SRRM4: variants seen among roughly 807,000 people sequenced by gnomAD.
SRRM4 encodes serine/arginine repetitive matrix 4, also known as serine/arginine repetitive matrix protein 4.
In SRRM4, 33 loss-of-function variants were observed where a neutral mutation model predicts 68.9. The observed-to-expected ratio is 0.48, with a 90% CI of 0.36 to 0.64. The LOEUF (loss-of-function observed/expected upper bound fraction) is 0.64, where lower values mean the gene tolerates loss of function less well. Among genes scored for constraint, SRRM4 ranks in the 30% least tolerant of loss-of-function variants. The probability of loss-of-function intolerance (pLI) is 0.00; values close to 1 mark genes in which losing one functional copy is unlikely to be tolerated. For missense variants in SRRM4, 817 were observed against 827.1 expected, an observed-to-expected ratio of 0.99 and a Z score of 0.15; for synonymous variants, 318 against 318.8, an observed-to-expected ratio of 1.00 and a Z score of 0.03.
chr12:119,160,033 C>G lies in SRRM4; in HGVS notation c.*3235C>G, dbSNP rs1052293874. ...CTGGCAGTGTCTTCTGGCTGCTGGC[C>G]GGAGACAGCTCTTGCCCTTTCCAAA... On this transcript the variant is annotated 3_prime_UTR_variant, in exon 13 of 13. Coordinates refer to ENST00000267260, the MANE Select transcript of SRRM4 (RefSeq NM_194286.4). The G allele has an allele frequency of 6.6e-6, 1 of 152,180 alleles. No homozygotes were observed. 9.4% of individuals were successfully genotyped at this position (152,180 alleles called of 1,614,324 possible).
chr12:119,032,271 G>A (rs1214822375), intron 1 of SRRM4, among the ~76,000 whole-genome samples: 1 of 152,148 alleles, frequency 6.6e-6, no homozygotes, highest in African/African-American at 2.4e-5. Flanking sequence ...TGTTATTTCA[G>A]TTTTCTGCAT....
At chr12:119,111,474 C>T (rs1954143110) in intron 2 of SRRM4, among the ~76,000 whole-genome samples, 1 of 152,188 alleles carries the variant, frequency 6.6e-6, no homozygotes, top group Non-Finnish European at 1.5e-5. Flanking sequence ...ATCATGCTCT[C>T]CTGGGACCCT....
At chr12:118,984,098 C>G (rs2045662266) in intron 1 of SRRM4, among the ~76,000 whole-genome samples, 1 of 152,136 alleles carries the variant, frequency 6.6e-6, no homozygotes, top group African/African-American at 2.4e-5. Context: ...AACTGTTACT[C>G]CTGGTTTGGG....
Position 119,154,238 on chromosome 12 carries a change from T to C in SRRM4, c.1392-5T>C. On this transcript the variant is annotated splice_region_variant and splice_polypyrimidine_tract_variant and intron_variant, in intron 11 of 12. Coordinates refer to ENST00000267260, the MANE Select transcript of SRRM4 (RefSeq NM_194286.4). The surrounding 1 kb of genome is among the most constrained non-coding windows in gnomAD (Gnocchi z 4.7). ...GCTCCCCAGTAACCCCCCGCGCCCC[T>C]TCAGGGAGCGGGATCCCAAATACAG... is the stretch of plus-strand genomic sequence containing the variant. The C allele has an allele frequency of 6.3e-7, 1 of 1,598,604 alleles. No homozygotes were observed. The highest frequency in any genetic ancestry group is 1.3e-5 in the African/African-American group (1 of 74,734).
intron 4 of SRRM4, among the ~76,000 whole-genome samples, chr12:119,119,697 G>GCA (rs1276747579): frequency 1.7e-4 from 26 of 152,214 alleles, no homozygotes; most frequent in African/African-American, 6.3e-4. Flanking sequence ...ACAGAACCTG[G>GCA]CACACAGTAA....
chr12:119,122,175 G>A, intron 6 of SRRM4, 55 bp downstream of exon 6: 1 of 1,283,852 alleles, frequency 7.8e-7, no homozygotes, highest in Non-Finnish European at 1.1e-6. Flanking sequence ...GGGGCATCTG[G>A]CTTCTTAAAA....
intron 1 of SRRM4, among the ~76,000 whole-genome samples, chr12:118,995,421 G>A (rs1258129977): frequency 6.6e-6 from 1 of 152,182 alleles, no homozygotes; most frequent in Non-Finnish European, 1.5e-5. Context: ...TGGAAACTAG[G>A]AAGTTCTTGA....
intron 8 of SRRM4, among the ~76,000 whole-genome samples, chr12:119,144,086 C>CT (rs937637947): frequency 6.6e-6 from 1 of 152,116 alleles, no homozygotes; most frequent in African/African-American, 2.4e-5. Context: ...CCATCGCCTC[C>CT]TTTACTCCTT....
intron 1 of SRRM4, among the ~76,000 whole-genome samples, chr12:119,033,533 A>G (rs1030866151): frequency 1.3e-4 from 20 of 152,196 alleles, no homozygotes; most frequent in African/African-American, 4.3e-4. Flanking sequence ...GCGTGGTGGC[A>G]CGCGCCTATG....
At chr12:119,083,662 A>G (rs962748037) in intron 1 of SRRM4, among the ~76,000 whole-genome samples, 64 of 152,182 alleles carry the variant, frequency 4.2e-4, no homozygotes, top group African/African-American at 1.5e-3. Flanking sequence ...CTAATGCTGC[A>G]TATAAGGGAA....
rs114569635 is a variant in SRRM4 at position 119,146,229 on chromosome 12, C to T, written c.1076+544C>T. Among the ~76,000 whole-genome samples the T allele has an allele frequency of 1.5e-3, 227 of 152,212 alleles. 1 individual carries two copies. Among genetic ancestry groups the T allele is most frequent in the African/African-American group, 5.4e-3 (223 of 41,536 alleles). ...ACAGGAAAAGCCAGGTTATTGGTAT[C>T]AGGAGAGATGGAGGCTAGGCAGGCA... On this transcript the variant is annotated intron_variant, in intron 9 of 12. Coordinates refer to ENST00000267260, the MANE Select transcript of SRRM4 (RefSeq NM_194286.4).
chr12:119,067,371 T>A (rs1268815589), intron 1 of SRRM4, among the ~76,000 whole-genome samples: 1 of 152,196 alleles, frequency 6.6e-6, no homozygotes, highest in Non-Finnish European at 1.5e-5. Context: ...TGGTTCGTTA[T>A]CTTTTCATGA....
At position 119,126,156 on chromosome 12, in the gene SRRM4, T is replaced by G. The variant is rs193051849; in HGVS notation, c.614+677T>G. Among the ~76,000 whole-genome samples, 503 of 150,070 alleles carry G rather than the reference T, an allele frequency of 3.4e-3. 14 individuals are homozygous for G. The highest frequency in any genetic ancestry group is 0.031 in the Admixed American group (468 of 15,042). On this transcript the variant is annotated intron_variant, in intron 7 of 12. Coordinates refer to ENST00000267260, the MANE Select transcript of SRRM4 (RefSeq NM_194286.4). ...CTCCTGCCTCAGCCTCCAGAGTAGC[T>G]GGGACTACAGGCGCCCGCCACCACA...
Position 119,089,821 on chromosome 12 carries a change from C to T in SRRM4, c.132-12415C>T, listed in dbSNP as rs142964819. On this transcript the variant is annotated intron_variant, in intron 1 of 12. Transcript: ENST00000267260. ...TCAGTAACATTATCACCATCATCAC[C>T]ATCACCATCATCATCATCAAACATA... Among the ~76,000 whole-genome samples, 66 of 152,274 alleles carry T rather than the reference C, an allele frequency of 4.3e-4. No homozygotes were observed. The East Asian group carries it at 0.011, about 25-fold the overall frequency.
intron 1 of SRRM4, among the ~76,000 whole-genome samples, chr12:119,078,467 G>C (rs1953929323): frequency 6.6e-6 from 1 of 152,182 alleles, no homozygotes; most frequent in Non-Finnish European, 1.5e-5. Context: ...TATCCTTAAA[G>C]GGCCAGAATA....
intron 10 of SRRM4, among the ~76,000 whole-genome samples, chr12:119,151,488 A>G (rs1310453037): frequency 6.6e-6 from 1 of 152,202 alleles, no homozygotes; most frequent in East Asian, 1.9e-4. Context: ...CACAGAACAT[A>G]ATGAATATCA....
intron 1 of SRRM4, among the ~76,000 whole-genome samples, chr12:119,057,076 A>G (rs1335585869): frequency 7.9e-5 from 12 of 152,226 alleles, no homozygotes; most frequent in Admixed American, 5.9e-4. Flanking sequence ...AGATCACCTC[A>G]AGGCTAAGAA....
Position 119,158,160 on chromosome 12 carries a change from T to A in SRRM4, c.*1362T>A, listed in dbSNP as rs1954485961. On this transcript the variant is annotated 3_prime_UTR_variant, in exon 13 of 13. Coordinates refer to ENST00000267260, the MANE Select transcript of SRRM4 (RefSeq NM_194286.4). The stretch of plus-strand genomic sequence containing the variant: ...GCGCTAAGAACGGGGAGGTGAGGAA[T>A]AAGATCCTTAAAATAAACTCTTGGG... 6.6e-6 allele frequency: 1 copy of A among 152,660 alleles called. No individual in the cohort carries two copies. Among genetic ancestry groups the A allele is most frequent in the Non-Finnish European group, 1.5e-5 (1 of 68,088 alleles). 9.5% of individuals were successfully genotyped at this position (152,660 alleles called of 1,614,324 possible).
intron 4 of SRRM4, among the ~76,000 whole-genome samples, chr12:119,118,496 CTGG>C (rs1302226888): frequency 3.3e-5 from 5 of 152,234 alleles, no homozygotes; most frequent in Admixed American, 2.0e-4. Flanking sequence ...TTGGCTCTCA[CTGG>C]TTATGTCAAC....
Sources: allele counts gnomAD v4.1 joint callset (sites outside exome capture counted in the v4.1 genomes callset), GRCh38; gene constraint gnomAD v4.1.1; non-coding constraint Gnocchi (gnomAD v3.1); transcripts MANE v1.5; gene names NCBI Gene and HGNC (gene_info 2026-07-23, HGNC 2026-07-21).